Variants in RBFOX1 observed in about 807,000 individuals in gnomAD.
RBFOX1 encodes RNA binding fox-1 homolog 1.
A neutral mutation model predicts 57.7 loss-of-function variants in RBFOX1; 8 were observed. The ratio of observed to expected loss-of-function variants is 0.14; its 90% CI spans 0.08 to 0.25. RBFOX1 has a LOEUF of 0.25. Ranked by LOEUF, RBFOX1 falls within the 10% of genes least tolerant of loss-of-function variation. The pLI, the probability that RBFOX1 is intolerant of heterozygous loss-of-function variation, is 1.00. For missense variants in RBFOX1, 611 were observed against 548.5 expected (o/e 1.11, Z -1.14); for synonymous variants, 326 against 222.4 (o/e 1.47, Z -4.15).
chr16:5,974,538 A>T (rs914693108), intron 4 of RBFOX1, among the ~76,000 whole-genome samples: 21 of 152,068 alleles, frequency 1.4e-4, no homozygotes, highest in African/African-American at 4.8e-4. Flanking sequence ...CGAACCCGGG[A>T]GGCGGAGGTT....
At chr16:7,697,191 G>A (rs1232629534) in intron 14 of RBFOX1, among the ~76,000 whole-genome samples, 1 of 152,140 alleles carries the variant, frequency 6.6e-6, no homozygotes, top group East Asian at 1.9e-4. Flanking sequence ...GTCCAGAGAG[G>A]GGTGACAATG....
chr16:7,133,364 C>T (rs562216289), intron 4 of RBFOX1, among the ~76,000 whole-genome samples: 12 of 152,154 alleles, frequency 7.9e-5, no homozygotes, highest in South Asian at 4.2e-4. Context: ...TAGAACATTC[C>T]GATGTGAGAT....
At position 5,892,825 on chromosome 16, in the gene RBFOX1, A is replaced by G. The variant is rs150655572; in HGVS notation, c.351+25490A>G. Among the ~76,000 whole-genome samples the G allele has an allele frequency of 7.4e-3, 1,131 of 152,304 alleles. 11 individuals carry two copies. The highest frequency in any genetic ancestry group is 0.014 in the Middle Eastern group (4 of 294). The stretch of plus-strand genomic sequence containing the variant: ...GCATGGCCAAGTCAAGGCACTGTGC[A>G]GAGTGCGCTGGAGCTGAGCATGTGA... On this transcript the variant is annotated intron_variant, in intron 4 of 19. Transcript: ENST00000641259.
intron 13 of RBFOX1, 52 bp downstream of exon 13, chr16:7,665,020 T>C (rs1052638975): frequency 2.0e-5 from 33 of 1,613,684 alleles, no homozygotes; most frequent in Non-Finnish European, 2.6e-5. Context: ...GGAGTCATTC[T>C]TTTTACAAGT....
chr16:5,809,708 C>G (rs1408768609), intron 3 of RBFOX1, among the ~76,000 whole-genome samples: 2 of 152,178 alleles, frequency 1.3e-5, no homozygotes, highest in Non-Finnish European at 2.9e-5. Context: ...GAAATAGGAA[C>G]ACTTTTACAC....
At chr16:6,948,707 C>G (rs1164215778) in intron 3 of RBFOX1, among the ~76,000 whole-genome samples, 1 of 152,086 alleles carries the variant, frequency 6.6e-6, no homozygotes. Context: ...CAGAAACTCC[C>G]TCCTCCATCA....
rs181499836 is a variant in RBFOX1, at chr16:6,807,351, T to C, written c.-16+152701T>C. 2.6e-5 allele frequency among the ~76,000 whole-genome samples: 4 copies of C among 152,128 alleles called. 1 individual carries two copies. The highest frequency in any genetic ancestry group is 2.1e-4 in the South Asian group (1 of 4,816). ...TGGCAATAAATTGATAATGGGAATTTTGAGACAAGGATGAGTGAGTCCAAG... is the reference window on the plus strand; with the variant it reads ...TGGCAATAAATTGATAATGGGAATTCTGAGACAAGGATGAGTGAGTCCAAG... On this transcript the variant is annotated intron_variant, in intron 3 of 15. Transcript: ENST00000550418.
chr16:7,198,734 A>G (rs1379392522), intron 4 of RBFOX1, among the ~76,000 whole-genome samples: 15 of 152,202 alleles, frequency 9.9e-5, no homozygotes, highest in Non-Finnish European at 1.5e-4. Flanking sequence ...TAATGACTTT[A>G]TTCGTGAAAG....
At chr16:6,625,155 T>C (rs2098285589) in intron 2 of RBFOX1, among the ~76,000 whole-genome samples, 1 of 44,726 alleles carries the variant, frequency 2.2e-5, no homozygotes, top group Admixed American at 4.2e-4. Context: ...ACCAACCCTA[T>C]CTAAAAAAAA....
At chr16:5,591,792 T>A (rs1567269535) in intron 2 of RBFOX1, among the ~76,000 whole-genome samples, 1 of 152,200 alleles carries the variant, frequency 6.6e-6, no homozygotes, top group African/African-American at 2.4e-5. Context: ...TTTATGTTGT[T>A]CCCAGTATTT....
At chr16:5,488,680 G>C (rs1319404974) in intron 2 of RBFOX1, among the ~76,000 whole-genome samples, 1 of 148,680 alleles carries the variant, frequency 6.7e-6, no homozygotes, top group East Asian at 2.0e-4. Context: ...GTGATGGAAG[G>C]TGACGGTGAT....
chr16:6,733,882 G>T (rs962832014), intron 3 of RBFOX1, among the ~76,000 whole-genome samples: 7 of 152,194 alleles, frequency 4.6e-5, no homozygotes, highest in African/African-American at 1.7e-4. Context: ...GGCCAGTGTT[G>T]GTTCTGATTG....
intron 7 of RBFOX1, 75 bp from the exon 8 acceptor site, chr16:7,595,474 A>C: frequency 1.7e-6 from 2 of 1,165,888 alleles, no homozygotes; most frequent in South Asian, 1.7e-5. Flanking sequence ...AATTAAAGCG[A>C]GAGAACATTA....
chr16:7,695,114 TAATG>T lies in RBFOX1; in HGVS notation c.996-13938_996-13935del, dbSNP rs1349120021. ...TCTAGATGGCTGCTCAGTAAATTCT[TAATG>T]AATTGCTATTGATCACATTTCAGAT... is the stretch of plus-strand genomic sequence containing the variant. On this transcript the variant is annotated intron_variant, in intron 14 of 15. Coordinates refer to ENST00000550418, the MANE Select transcript of RBFOX1 (RefSeq NM_018723.4). 2.0e-5 allele frequency among the ~76,000 whole-genome samples: 3 copies of T among 152,308 alleles called. No individual in the cohort carries two copies. The East Asian group carries it at 5.8e-4, about 29-fold the overall frequency.
intron 1 of RBFOX1, among the ~76,000 whole-genome samples, chr16:6,070,164 T>TA (rs1397621583): frequency 6.6e-6 from 1 of 152,212 alleles, no homozygotes; most frequent in Non-Finnish European, 1.5e-5. Context: ...TTTGTACAAC[T>TA]AAACTTTTCA....
chr16:6,788,912 G>A (rs1318176209), intron 3 of RBFOX1, among the ~76,000 whole-genome samples: 2 of 152,066 alleles, frequency 1.3e-5, no homozygotes, highest in Admixed American at 1.3e-4. Flanking sequence ...AGAACTCAGC[G>A]TCCCCAAGCC....
intron 3 of RBFOX1, among the ~76,000 whole-genome samples, chr16:6,896,411 A>T (rs1208944199): frequency 1.3e-5 from 2 of 152,114 alleles, no homozygotes; most frequent in Admixed American, 1.3e-4. Flanking sequence ...CTCATCAACC[A>T]TCCCTACTTT....
intron 3 of RBFOX1, among the ~76,000 whole-genome samples, chr16:6,675,230 G>GT (rs2057429407): frequency 6.6e-6 from 1 of 152,148 alleles, no homozygotes; most frequent in Admixed American, 6.5e-5. Flanking sequence ...AGCAACCCAG[G>GT]TTGTGGTGAT....
At chr16:5,769,837 G>T (rs1371518253) in intron 3 of RBFOX1, among the ~76,000 whole-genome samples, 1 of 152,176 alleles carries the variant, frequency 6.6e-6, no homozygotes, top group Non-Finnish European at 1.5e-5. Flanking sequence ...CGACAAGATA[G>T]TAAATTTCTG....
Sources: gnomAD v4.1 joint callset for allele counts (sites outside exome capture counted in the v4.1 genomes callset) on GRCh38, gnomAD v4.1.1 for gene constraint, MANE v1.5 for transcripts, NCBI Gene and HGNC (gene_info 2026-07-23, HGNC 2026-07-21) for gene names.